The following MIPEP variants were observed in gnomAD, a reference collection of about 807,000 sequenced individuals.
MIPEP encodes mitochondrial intermediate peptidase.
In MIPEP, 79 loss-of-function variants were observed where a neutral mutation model predicts 90.3. The ratio of observed to expected loss-of-function variants is 0.87; its 90% CI spans 0.73 to 1.05. The LOEUF is 1.05. Ranked by LOEUF, MIPEP falls within the 50% of genes least tolerant of loss-of-function variation. The pLI is 0.00. For synonymous variants in MIPEP, 334 were observed against 315.8 expected (o/e 1.06, Z -0.61); for missense variants, 940 against 905.6 (o/e 1.04, Z -0.49).
At chr13:23,837,097 T>C (rs1011843486) in intron 13 of MIPEP, among the ~76,000 whole-genome samples, 4 of 152,212 alleles carry the variant, frequency 2.6e-5, no homozygotes, top group Admixed American at 1.3e-4. Context: ...AGCAGAACTA[T>C]GATTTTATAC....
chr13:23,787,397 G>A (rs1484268190), intron 16 of MIPEP, among the ~76,000 whole-genome samples: 3 of 45,230 alleles, frequency 6.6e-5, no homozygotes, highest in South Asian at 1.6e-3. Context: ...AGCAAGAGAC[G>A]GGGAGAGGGA....
chr13:23,744,653 G>A (rs373311432), intron 18 of MIPEP, among the ~76,000 whole-genome samples: 10 of 152,336 alleles, frequency 6.6e-5, no homozygotes, highest in African/African-American at 2.4e-4. Flanking sequence ...TGTACTTAGT[G>A]TTATTGCTGT....
At chr13:23,820,264 A>G (rs1953290543) in intron 14 of MIPEP, among the ~76,000 whole-genome samples, 1 of 152,224 alleles carries the variant, frequency 6.6e-6, no homozygotes, top group Non-Finnish European at 1.5e-5. Flanking sequence ...AGAAGAGCCA[A>G]CAATAAAAGC....
intron 6 of MIPEP, among the ~76,000 whole-genome samples, chr13:23,869,706 A>G (rs1207262595): frequency 2.0e-5 from 3 of 152,244 alleles, no homozygotes; most frequent in East Asian, 3.8e-4. Context: ...TCTCTATGCT[A>G]TAAAGCGTCT....
intron 16 of MIPEP, among the ~76,000 whole-genome samples, chr13:23,780,674 C>G (rs1952772006): frequency 6.6e-6 from 1 of 152,166 alleles, no homozygotes; most frequent in African/African-American, 2.4e-5. Context: ...GGAAGATGTT[C>G]AAACCCATTG....
At chr13:23,782,455 A>G (rs2137363308) in intron 16 of MIPEP, among the ~76,000 whole-genome samples, 1 of 152,340 alleles carries the variant, frequency 6.6e-6, no homozygotes, top group Non-Finnish European at 1.5e-5. Context: ...CATTTAAAGC[A>G]GTGTGTAGAG....
intron 2 of MIPEP, among the ~76,000 whole-genome samples, chr13:23,882,876 ACTAAT>A (rs1249252573): frequency 3.3e-5 from 5 of 152,132 alleles, no homozygotes; most frequent in Non-Finnish European, 4.4e-5. Flanking sequence ...TTTACAAATT[ACTAAT>A]CTACGGGTTG....
intron 10 of MIPEP, among the ~76,000 whole-genome samples, chr13:23,858,631 G>C (rs77721194): frequency 1.4e-4 from 21 of 152,196 alleles, no homozygotes; most frequent in Non-Finnish European, 2.6e-4. Flanking sequence ...AAGAGAACCA[G>C]AAAGCTACGC....
At chr13:23,872,477 TAATA>T (rs1405504843) in intron 5 of MIPEP, among the ~76,000 whole-genome samples, 1 of 151,976 alleles carries the variant, frequency 6.6e-6, no homozygotes, top group African/African-American at 2.4e-5. Flanking sequence ...ATAATAATAA[TAATA>T]AATAAATAAG....
rs146460234 is a variant in MIPEP, at chr13:23,826,719, C to A, written c.1653+9521G>T. 3.9e-3 allele frequency among the ~76,000 whole-genome samples: 585 copies of A among 151,774 alleles called. 2 individuals are homozygous for A. Among genetic ancestry groups the A allele is most frequent in the African/African-American group, 0.013 (554 of 41,388 alleles). On this transcript the variant is annotated intron_variant, in intron 14 of 18. Coordinates refer to ENST00000382172, the MANE Select transcript of MIPEP (RefSeq NM_005932.4). ...AAACAGAAACCGAATTAGATAAATG[C>A]CTATGAAATCAGAAGAAAAAAACAA...
At chr13:23,873,629 T>TGGTGATAAG (rs1207568163) in intron 5 of MIPEP, among the ~76,000 whole-genome samples, 13 of 152,310 alleles carry the variant, frequency 8.5e-5, no homozygotes, top group African/African-American at 2.6e-4. Context: ...CCCGGGTGTT[T>TGGTGATAAG]GGTGATAAGA....
intron 18 of MIPEP, among the ~76,000 whole-genome samples, chr13:23,754,307 A>G (rs2138508790): frequency 6.6e-6 from 1 of 152,342 alleles, no homozygotes; most frequent in East Asian, 1.9e-4. Context: ...TGAAGTGACA[A>G]CTGGCATAAC....
At chr13:23,782,485 T>G (rs914963051) in intron 16 of MIPEP, among the ~76,000 whole-genome samples, 4 of 152,122 alleles carry the variant, frequency 2.6e-5, no homozygotes, top group Non-Finnish European at 5.9e-5. Context: ...TACCACTAAA[T>G]GCCCACAAGA....
In MIPEP at chr13:23,866,002, T is replaced by C. The variant is rs568747266; in HGVS notation, c.944-1813A>G. On this transcript the variant is annotated intron_variant, in intron 7 of 18. Coordinates refer to ENST00000382172, the MANE Select transcript of MIPEP (RefSeq NM_005932.4). The stretch of plus-strand genomic sequence containing the variant: ...AATTAGTGTCCCCAGAGAATTGTCA[T>C]ATTAAGATTCAGTTTGAAACCCCCC... 3.9e-5 allele frequency among the ~76,000 whole-genome samples: 6 copies of C among 152,172 alleles called. No individual in the cohort carries two copies. The East Asian group carries it at 5.8e-4, about 15-fold the overall frequency.
Position 23,858,860 on chromosome 13 carries a change from C to CT in MIPEP, c.1105dup (p.Arg369LysfsTer3), listed in dbSNP as rs757655632. ...TACGGGTATTTCTTGAAAAACTTAC[C>CT]TTTCTGCACGAATCACACCACTGTA... On this transcript the variant is annotated frameshift_variant and splice_region_variant, in exon 10 of 19. Coordinates refer to ENST00000382172, the MANE Select transcript of MIPEP (RefSeq NM_005932.4). LOFTEE classifies it high-confidence loss of function. 3.1e-6 allele frequency: 5 copies of CT among 1,613,404 alleles called. No individual in the cohort carries two copies. The highest frequency in any genetic ancestry group is 4.2e-6 in the Non-Finnish European group (5 of 1,179,486).
chr13:23,842,257 C>T (rs562173214), intron 10 of MIPEP: 1 of 152,090 alleles, frequency 6.6e-6, no homozygotes, highest in Non-Finnish European at 1.5e-5. Flanking sequence ...CCAAAATACA[C>T]ATTTTTTTTT....
intron 16 of MIPEP, among the ~76,000 whole-genome samples, chr13:23,761,968 T>C (rs1000630578): frequency 3.3e-5 from 5 of 152,122 alleles, no homozygotes; most frequent in Admixed American, 3.3e-4. Context: ...CTACTAAACA[T>C]ACAAAAATTA....
chr13:23,879,308 C>A lies in MIPEP; in HGVS notation c.499G>T (p.Ala167Ser). The change falls in exon 4 of 19, where the codon GCT (alanine) becomes TCT (serine). Residue 167 changes from alanine (A) to serine (S), a missense_variant. Physicochemically the swap from Ala to Ser is moderately conservative, Grantham distance 99 (BLOSUM62 1). Transcript: ENST00000382172. Reference sequence around the variant, plus strand: ...AGGGAATCCACAAGTTTTTTATCAGCTAGTAATTTTTGCAAACTTTGATAT... The same window carrying A: ...AGGGAATCCACAAGTTTTTTATCAGATAGTAATTTTTGCAAACTTTGATAT... ...DLYQSLQKLL[A>S]DKKLVDSLDP... 1 of 1,607,328 alleles carries A rather than the reference C, an allele frequency of 6.2e-7. No homozygotes were observed. The highest frequency in any genetic ancestry group is 8.5e-7 in the Non-Finnish European group (1 of 1,174,600).
chr13:23,730,222 C>A lies in MIPEP; in HGVS notation c.*126G>T. 5 of 635,842 alleles carry A rather than the reference C, an allele frequency of 7.9e-6. No individual in the cohort carries two copies. Among genetic ancestry groups the A allele is most frequent in the African/African-American group, 1.8e-5 (1 of 54,426 alleles). 39.4% of individuals were successfully genotyped at this position (635,842 alleles called of 1,614,324 possible). A position where few individuals can be genotyped will look rare whatever the true frequency, so the allele number is the denominator to read the frequency against. On this transcript the variant is annotated 3_prime_UTR_variant, in exon 19 of 19. Coordinates refer to ENST00000382172, the MANE Select transcript of MIPEP (RefSeq NM_005932.4). Reference sequence around the variant, plus strand: ...ACAAATTATTTATTCCAAGTTCTACCAGTTTAAAGTTTTTCAGAATTACAG... The same window carrying A: ...ACAAATTATTTATTCCAAGTTCTACAAGTTTAAAGTTTTTCAGAATTACAG...
Sources: gnomAD v4.1 joint callset for allele counts (sites outside exome capture counted in the v4.1 genomes callset) on GRCh38, gnomAD v4.1.1 for gene constraint, MANE v1.5 for transcripts, NCBI Gene and HGNC (gene_info 2026-07-23, HGNC 2026-07-21) for gene names.